Variants in TRHDE observed in about 807,000 individuals in gnomAD.
TRHDE encodes the protein thyrotropin-releasing hormone-degrading ectoenzyme.
Under a neutral mutation model 125.7 loss-of-function variants are expected in TRHDE, and 72 were observed. That is an observed-to-expected ratio of 0.57 (90% CI 0.47 to 0.70). The LOEUF (loss-of-function observed/expected upper bound fraction) is 0.70. Among genes scored for constraint, TRHDE ranks in the 30% least tolerant of loss-of-function variants. The pLI is 0.00. For missense variants in TRHDE, 1,110 were observed against 1,327.1 expected (o/e 0.84, Z 2.54); for synonymous variants, 509 against 509.1 (o/e 1.00, Z 0.00).
intron 2 of TRHDE, among the ~76,000 whole-genome samples, chr12:72,121,166 T>C (rs1385849844): frequency 6.6e-6 from 1 of 152,238 alleles, no homozygotes; most frequent in East Asian, 1.9e-4. Context: ...CAGTGAGTTT[T>C]GTACCTTCAG....
chr12:72,660,666 A>ATGAT (rs1409795822), intron 18 of TRHDE, among the ~76,000 whole-genome samples: 18 of 152,196 alleles, frequency 1.2e-4, no homozygotes, highest in African/African-American at 4.3e-4. Context: ...GTTTATACTA[A>ATGAT]TGATTGATAA....
chr12:72,298,762 G>A (rs1044793457), intron 2 of TRHDE, among the ~76,000 whole-genome samples: 3 of 152,126 alleles, frequency 2.0e-5, no homozygotes. Flanking sequence ...TTAAAAGCAT[G>A]GAGATAATAC....
chr12:72,661,590 C>T (rs1270372752), intron 18 of TRHDE, among the ~76,000 whole-genome samples: 2 of 151,994 alleles, frequency 1.3e-5, no homozygotes, highest in African/African-American at 4.8e-5. Flanking sequence ...TATATAAGTA[C>T]AAATGTATTC....
At chr12:72,108,988 C>T (rs1442759760) in intron 2 of TRHDE, among the ~76,000 whole-genome samples, 2 of 152,112 alleles carry the variant, frequency 1.3e-5, no homozygotes, top group Non-Finnish European at 2.9e-5. Flanking sequence ...TTTCTGGCTT[C>T]ATTTCCAAAT....
chr12:72,263,472 C>T (rs1240616678), intron 2 of TRHDE: 1 of 151,868 alleles, frequency 6.6e-6, no homozygotes, highest in Non-Finnish European at 1.5e-5. Flanking sequence ...GTGACAGCCA[C>T]ATAAAGGTTA....
At chr12:72,436,719 C>T (rs1019169202) in intron 3 of TRHDE, among the ~76,000 whole-genome samples, 3 of 151,656 alleles carry the variant, frequency 2.0e-5, no homozygotes, top group Admixed American at 6.6e-5. Context: ...ACTGAAGAAC[C>T]GAGAGTAATT....
At chr12:72,503,184 C>T (rs1286191937) in intron 6 of TRHDE, among the ~76,000 whole-genome samples, 1 of 152,018 alleles carries the variant, frequency 6.6e-6, no homozygotes, top group Non-Finnish European at 1.5e-5. Context: ...GTACTAGTCA[C>T]CGAACTAAGA....
chr12:72,098,894 C>T (rs895637604), intron 1 of TRHDE, among the ~76,000 whole-genome samples: 1 of 152,054 alleles, frequency 6.6e-6, no homozygotes. Context: ...GTCTGGGCTT[C>T]GTGGCTCACG....
intron 3 of TRHDE, among the ~76,000 whole-genome samples, chr12:72,442,135 C>T (rs1183562734): frequency 1.3e-5 from 2 of 151,880 alleles, no homozygotes; most frequent in African/African-American, 2.4e-5. Flanking sequence ...CATCCCGCTC[C>T]TCTACATGAG....
chr12:72,252,417 T>C (rs915351414), intron 2 of TRHDE, among the ~76,000 whole-genome samples: 1 of 151,974 alleles, frequency 6.6e-6, no homozygotes, highest in Non-Finnish European at 1.5e-5. Flanking sequence ...TCTGCACTTT[T>C]GTCACAAATC....
chr12:72,486,938 G>A (rs924618380), intron 5 of TRHDE, among the ~76,000 whole-genome samples: 3 of 151,976 alleles, frequency 2.0e-5, no homozygotes, highest in African/African-American at 4.8e-5. Flanking sequence ...TCTGAGTGAG[G>A]AGTTAAACAA....
At chr12:72,319,366 G>T (rs1380468433) in intron 2 of TRHDE, among the ~76,000 whole-genome samples, 1 of 152,062 alleles carries the variant, frequency 6.6e-6, no homozygotes, top group Non-Finnish European at 1.5e-5. Flanking sequence ...ACCTAGGTCT[G>T]CTTCAGTAGA....
intron 2 of TRHDE, among the ~76,000 whole-genome samples, chr12:72,166,828 T>C (rs1404932612): frequency 6.6e-6 from 1 of 151,384 alleles, no homozygotes; most frequent in Non-Finnish European, 1.5e-5. Flanking sequence ...GAGAAGGAAA[T>C]CCTCCCAATG....
At chr12:72,229,723 A>G (rs1487629844) in intron 2 of TRHDE, among the ~76,000 whole-genome samples, 1 of 152,236 alleles carries the variant, frequency 6.6e-6, no homozygotes, top group Non-Finnish European at 1.5e-5. Flanking sequence ...TTAACTATTT[A>G]TACCGATACA....
At chr12:72,425,502 A>C (rs1436916383) in intron 3 of TRHDE, among the ~76,000 whole-genome samples, 1 of 152,064 alleles carries the variant, frequency 6.6e-6, no homozygotes, top group African/African-American at 2.4e-5. Context: ...AAGTTATCAA[A>C]TCAATTGAGT....
rs1875152015 is a variant in TRHDE, at chr12:72,667,540, A to G, written c.*4345A>G. On this transcript the variant is annotated 3_prime_UTR_variant, in exon 19 of 19. Coordinates refer to ENST00000261180, the MANE Select transcript of TRHDE (RefSeq NM_013381.3). ...GAATATGGCCTGAAGGAATGAACTCATATTACAATAAATGAAAAAGAAAAA... is the reference window on the plus strand; with the variant it reads ...GAATATGGCCTGAAGGAATGAACTCGTATTACAATAAATGAAAAAGAAAAA... The G allele has an allele frequency of 6.6e-6, 1 of 151,770 alleles. No homozygotes were observed. Among genetic ancestry groups the G allele is most frequent in the Admixed American group, 6.6e-5 (1 of 15,196 alleles). The allele number at this position is 151,770 out of a possible 1,614,324, so 9.4% of individuals were successfully genotyped here.
chr12:72,552,570 A>G (rs1420920613), intron 7 of TRHDE, among the ~76,000 whole-genome samples: 1 of 152,152 alleles, frequency 6.6e-6, no homozygotes, highest in Non-Finnish European at 1.5e-5. Flanking sequence ...TCGTGTCACA[A>G]ATGCTTAGAG....
At chr12:72,636,021 T>A (rs1275764466) in intron 15 of TRHDE, among the ~76,000 whole-genome samples, 2 of 150,518 alleles carry the variant, frequency 1.3e-5, no homozygotes, top group Non-Finnish European at 3.0e-5. Flanking sequence ...TTAAAGTAGT[T>A]TTTTCCAATT....
chr12:72,415,035 T>C (rs867042952), intron 3 of TRHDE, among the ~76,000 whole-genome samples: 5 of 152,084 alleles, frequency 3.3e-5, no homozygotes, highest in African/African-American at 4.8e-5. Context: ...TGACAGGGGC[T>C]CCTACTGTTC....
Sources: allele counts gnomAD v4.1 joint callset (sites outside exome capture counted in the v4.1 genomes callset), GRCh38; gene constraint gnomAD v4.1.1; transcripts MANE v1.5; gene names NCBI Gene and HGNC (gene_info 2026-07-23, HGNC 2026-07-21).